The following NCOA6 variants were observed in gnomAD, a reference collection of about 807,000 sequenced individuals.
NCOA6 encodes nuclear receptor coactivator 6.
NCOA6 carries 49 observed loss-of-function variants against 171.4 expected under a neutral mutation model. That is an observed-to-expected ratio of 0.29 (90% CI 0.23 to 0.36). The LOEUF (loss-of-function observed/expected upper bound fraction) is 0.36, where lower values mean the gene tolerates loss of function less well. Among genes scored for constraint, NCOA6 ranks in the 10% least tolerant of loss-of-function variants. NCOA6 has a pLI of 1.00. For synonymous variants in NCOA6, 910 were observed against 927.5 expected (o/e 0.98, Z 0.34); for missense variants, 2,248 against 2,554.5 (o/e 0.88, Z 2.59).
intron 1 of NCOA6, among the ~76,000 whole-genome samples, chr20:34,801,216 G>A (rs1335532430): frequency 6.6e-6 from 1 of 152,162 alleles, no homozygotes; most frequent in East Asian, 1.9e-4. Flanking sequence ...GCAGGACTAA[G>A]AGGGAAGTTT....
At chr20:34,814,304 A>T (rs945416765) in intron 1 of NCOA6, among the ~76,000 whole-genome samples, 4 of 151,966 alleles carry the variant, frequency 2.6e-5, no homozygotes, top group African/African-American at 9.7e-5. Context: ...ACGCCACTAC[A>T]CTCCAGCCTG....
intron 1 of NCOA6, among the ~76,000 whole-genome samples, chr20:34,815,670 C>G (rs1601155554): frequency 6.6e-6 from 1 of 152,052 alleles, no homozygotes; most frequent in East Asian, 1.9e-4. Context: ...TGAATGGAGA[C>G]CCTGAAAAGC....
At chr20:34,733,133 C>G (rs907958805) in intron 12 of NCOA6, among the ~76,000 whole-genome samples, 1 of 152,190 alleles carries the variant, frequency 6.6e-6, no homozygotes, top group East Asian at 1.9e-4. Context: ...CAATGCCCTC[C>G]AAGCAAGGAA....
intron 14 of NCOA6, among the ~76,000 whole-genome samples, chr20:34,717,154 A>G (rs902278445): frequency 1.3e-5 from 2 of 152,234 alleles, no homozygotes; most frequent in African/African-American, 4.8e-5. Context: ...GGTGACTGCT[A>G]AGAAGTGAGG....
rs2076146807 is a variant in NCOA6, at chr20:34,741,594, C to A, written c.4662G>T (p.Glu1554Asp). The change falls in exon 11 of 15, where the codon GAG (glutamate) becomes GAT (aspartate). Residue 1554 changes from glutamate to aspartate, a missense_variant. By Grantham distance (45) the Glu-to-Asp change is conservative. This residue lies in a region of NCOA6 where 884 missense variants were observed against 941.9 expected (regional missense o/e 0.94). Transcript: ENST00000359003. The part of the protein sequence containing the change: ...SNSLNLPHSN[E>D]LCSSLVHPEL... ...CGGGATGCACAAGGGATGAACACAGCTCATTACTGTGAGGTAAGTTTAGGG... is the reference window on the plus strand; with the variant it reads ...CGGGATGCACAAGGGATGAACACAGATCATTACTGTGAGGTAAGTTTAGGG... 1 of 1,614,034 alleles carries A rather than the reference C, an allele frequency of 6.2e-7. No individual in the cohort carries two copies. The highest frequency in any genetic ancestry group is 1.3e-5 in the African/African-American group (1 of 74,898).
Position 34,741,084 on chromosome 20 carries a change from T to C in NCOA6, c.5172A>G (p.Pro1724=), listed in dbSNP as rs2076127076. 1.2e-6 allele frequency: 2 copies of C among 1,614,166 alleles called. No homozygotes were observed. Among genetic ancestry groups the C allele is most frequent in the Non-Finnish European group, 1.7e-6 (2 of 1,180,030 alleles). ...PPNALSSSPA[P]NIQTGRPLVL... Reference sequence around the variant, plus strand: ...CCAAAGGTCGACCTGTCTGGATGTTTGGAGCAGGACTACTGGAGAGGGCAT... The same window carrying C: ...CCAAAGGTCGACCTGTCTGGATGTTCGGAGCAGGACTACTGGAGAGGGCAT... Residue 1724 remains proline (P), a synonymous_variant, in exon 11 of 15, where the codon CCA becomes CCG. Transcript: ENST00000359003.
At chr20:34,752,894 C>G (rs2076531155) in intron 8 of NCOA6, among the ~76,000 whole-genome samples, 1 of 122,010 alleles carries the variant, frequency 8.2e-6, no homozygotes, top group South Asian at 2.7e-4. Flanking sequence ...AGCTTGGGCA[C>G]AAGAGCAAAA....
At chr20:34,739,062 G>A (rs1247909813) in intron 11 of NCOA6, 4 of 427,054 alleles carry the variant, frequency 9.4e-6, no homozygotes, top group South Asian at 3.2e-5. Context: ...CACAGGAGGA[G>A]GAACATGTCA....
intron 7 of NCOA6, among the ~76,000 whole-genome samples, chr20:34,756,313 G>A (rs1260729745): frequency 4.6e-5 from 7 of 152,202 alleles, no homozygotes. Context: ...AATTACAAGA[G>A]AGTAAAAGGC....
Position 34,782,359 on chromosome 20 carries a change from G to T in NCOA6, c.-4C>A. The T allele has an allele frequency of 1.3e-6, 2 of 1,561,088 alleles. No individual in the cohort carries two copies. The highest frequency in any genetic ancestry group is 1.2e-5 in the South Asian group (1 of 85,634). On this transcript the variant is annotated 5_prime_UTR_variant, in exon 3 of 15. Coordinates refer to ENST00000359003, the MANE Select transcript of NCOA6 (RefSeq NM_014071.5). ...TTGGAAGGTCATCCAAAACCATGGT[G>T]AATATTATTCCAGAAGCATATGCCA...
intron 14 of NCOA6, among the ~76,000 whole-genome samples, chr20:34,721,412 G>A (rs750656007): frequency 6.8e-6 from 1 of 147,482 alleles, no homozygotes; most frequent in Non-Finnish European, 1.5e-5. Context: ...CTTGCCCTAT[G>A]TATCTCTTCA....
Position 34,740,823 on chromosome 20 carries a change from G to C in NCOA6, c.5433C>G (p.Val1811=). 1 of 1,614,208 alleles carries C rather than the reference G, an allele frequency of 6.2e-7. No homozygotes were observed. The highest frequency in any genetic ancestry group is 8.5e-7 in the Non-Finnish European group (1 of 1,180,042). ...PGSSGNRRSP[V]SSSKGKGKVD... ...CTTTTCCTTTGCCCTTACTAGACGA[G>C]ACTGGGCTTCGCCGGTTGCCAGAGG... is the stretch of plus-strand genomic sequence containing the variant. Residue 1811 remains valine (V), a synonymous_variant, in exon 11 of 15, where the codon GTC becomes GTG. Coordinates refer to ENST00000359003, the MANE Select transcript of NCOA6 (RefSeq NM_014071.5).
intron 1 of NCOA6, among the ~76,000 whole-genome samples, chr20:34,813,758 T>C (rs2078747133): frequency 1.3e-5 from 2 of 152,096 alleles, no homozygotes. Context: ...CCTGGGGCTT[T>C]TTCTATGTTT....
chr20:34,751,189 T>G lies in NCOA6; in HGVS notation c.1676-670A>C, dbSNP rs1450069491. Among the ~76,000 whole-genome samples the G allele has an allele frequency of 2.7e-5, 4 of 149,068 alleles. No homozygotes were observed. In the East Asian group the frequency reaches 7.9e-4, roughly 29 times the overall value. ...ATCGAGACCATCCTGGCTAACAAGG[T>G]GAAACCCCGTCTCTACTAAAAATAC... is the stretch of plus-strand genomic sequence containing the variant. On this transcript the variant is annotated intron_variant, in intron 8 of 14. Coordinates refer to ENST00000359003, the MANE Select transcript of NCOA6 (RefSeq NM_014071.5).
Position 34,825,489 on chromosome 20 carries a change from C to G in NCOA6, c.-181G>C, listed in dbSNP as rs1210054696. ...CCCCTCACCTGAGCGCGGCCCCGGC[C>G]CTCCCGGGCGGGCCTTGGAGCGCCG... On this transcript the variant is annotated 5_prime_UTR_variant, in exon 1 of 15. Coordinates refer to ENST00000359003, the MANE Select transcript of NCOA6 (RefSeq NM_014071.5). The G allele has an allele frequency of 1.3e-5, 2 of 148,382 alleles. No homozygotes were observed. Among genetic ancestry groups the G allele is most frequent in the African/African-American group, 2.4e-5 (1 of 40,902 alleles). 9.2% of individuals were successfully genotyped at this position (148,382 alleles called of 1,614,324 possible). A position where few individuals can be genotyped will look rare whatever the true frequency, so the allele number is the denominator to read the frequency against.
rs1296356192 is a variant in NCOA6, at chr20:34,750,356, G to C, written c.1839C>G (p.Pro613=). Residue 613 remains proline (P), a synonymous_variant, in exon 9 of 15, where the codon CCC becomes CCG. Transcript: ENST00000359003. ...TCAGCTGAGATGGTGGGCCCTGCTG[G>C]GGCTGGCCTTGCATGTTGCTGAGGT... ...QVNLSNMQGQ[P]QQGPPSQLMG... is the part of the protein sequence containing the mutation. 6.2e-7 allele frequency: 1 copy of C among 1,613,874 alleles called. No homozygotes were observed. Among genetic ancestry groups the C allele is most frequent in the African/African-American group, 1.3e-5 (1 of 74,844 alleles).
In NCOA6 at chr20:34,742,872, C is replaced by T. The variant is rs1189143920; in HGVS notation, c.3384G>A (p.Glu1128=). ...PQNPSSSPLA[E]MASLPEASGS... ...CACTTGCTTCAGGGAGTGAGGCCAT[C>T]TCCGCCAGTGGCGAGCTGGAAGGAT... is the stretch of plus-strand genomic sequence containing the variant. Residue 1128 remains glutamate (E), a synonymous_variant, in exon 11 of 15, where the codon GAG becomes GAA. Coordinates refer to ENST00000359003, the MANE Select transcript of NCOA6 (RefSeq NM_014071.5). 1.1e-5 allele frequency: 17 copies of T among 1,614,206 alleles called. No individual in the cohort carries two copies. The highest frequency in any genetic ancestry group is 1.4e-5 in the Non-Finnish European group (17 of 1,180,034).
intron 9 of NCOA6, among the ~76,000 whole-genome samples, chr20:34,747,919 C>T (rs1395233897): frequency 6.6e-6 from 1 of 152,012 alleles, no homozygotes; most frequent in Non-Finnish European, 1.5e-5. Context: ...CTGGTCCAGC[C>T]CCATCATGTT....
Position 34,727,140 on chromosome 20 carries a change from A to G in NCOA6, c.6148+119T>C, listed in dbSNP as rs184479391. The G allele has an allele frequency of 2.3e-5, 28 of 1,235,940 alleles. No homozygotes were observed. The African/African-American group carries it at 3.3e-4, about 15-fold the overall frequency. 76.6% of individuals were successfully genotyped at this position (1,235,940 alleles called of 1,614,324 possible). A position where few individuals can be genotyped will look rare whatever the true frequency, so the allele number is the denominator to read the frequency against. ...GGACCAAACAGGTAGTAGAAGACAA[A>G]GACACTTGACAGACTTCAGGAACAG... On this transcript the variant is annotated intron_variant, in intron 14 of 14. Coordinates refer to ENST00000359003, the MANE Select transcript of NCOA6 (RefSeq NM_014071.5).
Sources: allele counts gnomAD v4.1 joint callset (sites outside exome capture counted in the v4.1 genomes callset), GRCh38; gene constraint gnomAD v4.1.1; regional missense constraint gnomAD v4.1.1; transcripts MANE v1.5; gene names NCBI Gene and HGNC (gene_info 2026-07-23, HGNC 2026-07-21).